Variants in PLCG2 observed in about 807,000 individuals in gnomAD.
PLCG2 encodes the protein phospholipase C gamma 2, also known as 1-phosphatidylinositol 4,5-bisphosphate phosphodiesterase gamma-2.
PLCG2 carries 69 observed loss-of-function variants against 175.6 expected under a neutral mutation model. The observed-to-expected ratio is 0.39, with a 90% confidence interval of 0.32 to 0.48. The LOEUF (loss-of-function observed/expected upper bound fraction) is 0.48, where lower values mean the gene tolerates loss of function less well. Among genes scored for constraint, PLCG2 ranks in the 20% least tolerant of loss-of-function variants. The probability of loss-of-function intolerance (pLI) is 0.91; values close to 1 mark genes in which losing one functional copy is unlikely to be tolerated. For synonymous variants in PLCG2, 827 were observed against 624.0 expected, an observed-to-expected ratio of 1.33 and a Z score of -4.85; for missense variants, 1,798 against 1,650.9, an observed-to-expected ratio of 1.09 and a Z score of -1.54.
At chr16:81,824,502 C>G (rs773541967) in intron 2 of PLCG2, among the ~76,000 whole-genome samples, 2 of 152,210 alleles carry the variant, frequency 1.3e-5, no homozygotes, top group African/African-American at 4.8e-5. Flanking sequence ...GAAAGCACCT[C>G]CAGCTTTTGT....
At chr16:81,765,380 C>G (rs1440707991) in intron 2 of PLCG2, among the ~76,000 whole-genome samples, 1 of 152,244 alleles carries the variant, frequency 6.6e-6, no homozygotes, top group Non-Finnish European at 1.5e-5. Flanking sequence ...CCTGTAATTC[C>G]AGCACTTTGG....
chr16:81,809,422 G>A (rs1441925163), intron 2 of PLCG2, among the ~76,000 whole-genome samples: 1 of 152,094 alleles, frequency 6.6e-6, no homozygotes, highest in Non-Finnish European at 1.5e-5. Context: ...ATGGACTTCG[G>A]CTCTATTTAC....
intron 25 of PLCG2, among the ~76,000 whole-genome samples, chr16:81,933,771 C>G (rs928119720): frequency 1.4e-4 from 21 of 152,322 alleles, no homozygotes; most frequent in African/African-American, 4.3e-4. Context: ...AAGGTCCCCC[C>G]TTGGCCAATA....
intron 2 of PLCG2, among the ~76,000 whole-genome samples, chr16:81,850,749 T>G (rs1026672869): frequency 6.6e-6 from 1 of 152,190 alleles, no homozygotes; most frequent in Non-Finnish European, 1.5e-5. Flanking sequence ...ATAGAGAGCT[T>G]CTTCCTGTGT....
chr16:81,795,226 C>G (rs560808244), intron 2 of PLCG2, among the ~76,000 whole-genome samples: 1 of 152,076 alleles, frequency 6.6e-6, no homozygotes, highest in Non-Finnish European at 1.5e-5. Context: ...TCGTGATAGA[C>G]GCTAGGAAGG....
Position 81,962,561 on chromosome 16 carries a change from A to T in PLCG2, c.*4563A>T, listed in dbSNP as rs1399260235. On this transcript the variant is annotated 3_prime_UTR_variant, in exon 33 of 33. Transcript: ENST00000564138. ...TTAAAGCTTAATTTATTTTTTATAT[A>T]AATAGTATGTGCTTTGTGTACATAG... is the stretch of plus-strand genomic sequence containing the variant. 4.5e-6 allele frequency: 1 copy of T among 220,030 alleles called. No homozygotes were observed. 13.6% of individuals were successfully genotyped at this position (220,030 alleles called of 1,614,324 possible).
chr16:81,900,509 G>T (rs528423897), intron 13 of PLCG2, 103 bp from the exon 14 acceptor site: 1 of 1,026,936 alleles, frequency 9.7e-7, no homozygotes, highest in African/African-American at 1.6e-5. Flanking sequence ...CCCGAGCAGC[G>T]CCCGGTTTCT....
intron 5 of PLCG2, among the ~76,000 whole-genome samples, chr16:81,868,003 T>TCGCTTCC (rs2143523049): frequency 6.6e-6 from 1 of 152,300 alleles, no homozygotes; most frequent in South Asian, 2.1e-4. Context: ...TGCCTGGCCC[T>TCGCTTCC]CGCTTCCCGC....
chr16:81,778,664 G>C (rs1029713284), upstream of PLCG2, among the ~76,000 whole-genome samples: 87 of 152,324 alleles, frequency 5.7e-4, no homozygotes, highest in African/African-American at 2.0e-3. Context: ...TTACAGATGG[G>C]GAAACTGAGG....
chr16:81,895,575 G>GA (rs71727409), intron 12 of PLCG2: 219 of 439,986 alleles, frequency 5.0e-4, no homozygotes, highest in Middle Eastern at 6.4e-4. Context: ...AAAAAAAAAT[G>GA]AAAAAAAAAG....
Position 81,940,183 on chromosome 16 carries a change from T to C in PLCG2, c.3481+124T>C, listed in dbSNP as rs4996272. The C allele has an allele frequency of 0.11, 89,540 of 811,702 alleles. 6,416 individuals are homozygous for C. The highest frequency in any genetic ancestry group is 0.29 in the African/African-American group (15,614 of 54,112). 50.3% of individuals were successfully genotyped at this position (811,702 alleles called of 1,614,324 possible). On this transcript the variant is annotated intron_variant, in intron 30 of 32. Transcript: ENST00000564138. ...TGGATGGAATCACTGTAAAACCGAT[T>C]GGGTGGCTTGGAGAGCAGGTGTACA... is the stretch of plus-strand genomic sequence containing the variant.
Position 81,786,131 on chromosome 16 carries a change from G to A in PLCG2, c.142G>A (p.Glu48Lys), listed in dbSNP as rs746891285. Residue 48 changes from glutamate (E) to lysine (K), a missense_variant, in exon 2 of 33, where the codon GAG (glutamate) becomes AAG (lysine). Glu to Lys is a moderately conservative substitution (Grantham distance 56). Coordinates refer to ENST00000564138, the MANE Select transcript of PLCG2 (RefSeq NM_002661.5). ...PERRTVQVIM[E>K]TRQVAWSKTA... Reference sequence around the variant, plus strand: ...GCGGAGAACCGTCCAGGTGATCATGGAGACGCGGCAGGTGGCCTGGAGCAA... The same window carrying A: ...GCGGAGAACCGTCCAGGTGATCATGAAGACGCGGCAGGTGGCCTGGAGCAA... 6.2e-7 allele frequency: 1 copy of A among 1,614,202 alleles called. No individual in the cohort carries two copies. Among genetic ancestry groups the A allele is most frequent in the South Asian group, 1.1e-5 (1 of 91,080 alleles).
chr16:81,842,248 G>A (rs961265009), intron 2 of PLCG2, among the ~76,000 whole-genome samples: 2 of 152,202 alleles, frequency 1.3e-5, no homozygotes, highest in Admixed American at 1.3e-4. Context: ...AACTCAGCCA[G>A]GATGCATGTG....
chr16:81,960,937 C>T lies in PLCG2; in HGVS notation c.*2939C>T. On this transcript the variant is annotated 3_prime_UTR_variant, in exon 33 of 33. Transcript: ENST00000564138. ...TCTGCCTGAGAAAATGCCCTTTTCT[C>T]ACCTTACAAAAGAAAATATGGCTGT... 1 of 229,164 alleles carries T rather than the reference C, an allele frequency of 4.4e-6. No individual in the cohort carries two copies. Among genetic ancestry groups the T allele is most frequent in the Non-Finnish European group, 8.7e-6 (1 of 115,570 alleles). The allele number at this position is 229,164 out of a possible 1,614,324, so 14.2% of individuals were successfully genotyped here.
chr16:81,868,266 A>G (rs11860765), intron 5 of PLCG2, among the ~76,000 whole-genome samples: 34,273 of 152,164 alleles, frequency 0.23, 4,073 homozygotes, highest in Middle Eastern at 0.28. Context: ...GCAGCCTGGC[A>G]CACAGTAGGT....
At chr16:81,937,658 TG>T in intron 27 of PLCG2, 99 bp from the exon 28 acceptor site, 1 of 1,020,334 alleles carries the variant, frequency 9.8e-7, no homozygotes, top group Non-Finnish European at 1.5e-6. Flanking sequence ...CACATTAATT[TG>T]GGGAAAAGGT....
At chr16:81,779,944 C>T (rs1445481716) in intron 1 of PLCG2, among the ~76,000 whole-genome samples, 1 of 152,170 alleles carries the variant, frequency 6.6e-6, no homozygotes, top group African/African-American at 2.4e-5. Flanking sequence ...ATGCCCGCTC[C>T]GCAGCTGTCT....
rs894412504 is a variant in PLCG2 at position 81,866,993 on chromosome 16, T to C, written c.480-2221T>C. ...GCCCCAGCTGGCCCAACAGGGACTTTTTCTGCCCTCAAGGTCTGTCTGTGA... is the reference window on the plus strand; with the variant it reads ...GCCCCAGCTGGCCCAACAGGGACTTCTTCTGCCCTCAAGGTCTGTCTGTGA... On this transcript the variant is annotated intron_variant, in intron 5 of 32. Coordinates refer to ENST00000564138, the MANE Select transcript of PLCG2 (RefSeq NM_002661.5). 4.6e-5 allele frequency among the ~76,000 whole-genome samples: 7 copies of C among 152,210 alleles called. No individual in the cohort carries two copies. The South Asian group carries it at 8.3e-4, about 18-fold the overall frequency.
chr16:81,746,999 A>T (rs1447180556), intron 1 of PLCG2, among the ~76,000 whole-genome samples: 1 of 152,196 alleles, frequency 6.6e-6, no homozygotes, highest in Non-Finnish European at 1.5e-5. Context: ...CAGCAAAGGT[A>T]CACCAACCAC....
Sources: allele counts gnomAD v4.1 joint callset (sites outside exome capture counted in the v4.1 genomes callset), GRCh38; gene constraint gnomAD v4.1.1; transcripts MANE v1.5; gene names NCBI Gene and HGNC (gene_info 2026-07-23, HGNC 2026-07-21).